BMPR2: variants seen among roughly 807,000 people sequenced by gnomAD.
BMPR2 encodes the protein bone morphogenetic protein receptor type-2.
BMPR2 carries 29 observed loss-of-function variants against 100.8 expected under a neutral mutation model. The observed-to-expected ratio is 0.29, with a 90% confidence interval of 0.21 to 0.39. BMPR2 has a LOEUF of 0.39. Among genes scored for constraint, BMPR2 ranks in the 10% least tolerant of loss-of-function variants. The probability of loss-of-function intolerance (pLI) is 1.00; values close to 1 mark genes in which losing one functional copy is unlikely to be tolerated. For synonymous variants in BMPR2, 382 were observed against 442.3 expected, an observed-to-expected ratio of 0.86 and a Z score of 1.71; for missense variants, 1,011 against 1,274.5, an observed-to-expected ratio of 0.79 and a Z score of 3.15.
chr2:202,397,765 G>T (rs1225544987), intron 1 of BMPR2, among the ~76,000 whole-genome samples: 1 of 151,176 alleles, frequency 6.6e-6, no homozygotes, highest in East Asian at 2.0e-4. Context: ...CTCCCAAAGT[G>T]CTGGGATTAT....
chr2:202,427,840 T>C (rs1159348123), intron 1 of BMPR2, among the ~76,000 whole-genome samples: 1 of 151,814 alleles, frequency 6.6e-6, no homozygotes, highest in African/African-American at 2.4e-5. Context: ...TAGCCAGGCA[T>C]GGTGGCACGC....
chr2:202,560,075 T>G lies in BMPR2; in HGVS notation c.*129T>G. ...CCCTCCCACCCCTGCAACAAAGACTTGCTTTAAATAGATTTCAGCTATGCA... is the reference window on the plus strand; with the variant it reads ...CCCTCCCACCCCTGCAACAAAGACTGGCTTTAAATAGATTTCAGCTATGCA... On this transcript the variant is annotated 3_prime_UTR_variant, in exon 13 of 13. Coordinates refer to ENST00000374580, the MANE Select transcript of BMPR2 (RefSeq NM_001204.7). 8.6e-7 allele frequency: 1 copy of G among 1,160,098 alleles called. No homozygotes were observed. The highest frequency in any genetic ancestry group is 2.5e-5 in the Admixed American group (1 of 39,634). 71.9% of individuals were successfully genotyped at this position (1,160,098 alleles called of 1,614,324 possible). A position where few individuals can be genotyped will look rare whatever the true frequency, so the allele number is the denominator to read the frequency against.
chr2:202,485,821 G>T (rs530880069), intron 3 of BMPR2, among the ~76,000 whole-genome samples: 9 of 151,714 alleles, frequency 5.9e-5, no homozygotes, highest in African/African-American at 2.2e-4. Context: ...CTGAGATTAC[G>T]GGCATGAGCC....
intron 10 of BMPR2, among the ~76,000 whole-genome samples, chr2:202,546,903 G>GTGTTTTGTTTTGTTT (rs112692454): frequency 2.6e-4 from 37 of 141,850 alleles, no homozygotes; most frequent in African/African-American, 8.2e-4. Context: ...TGCCCAGCCG[G>GTGTTTTGTTTTGTTT]TGTTTTGTTT....
intron 3 of BMPR2, among the ~76,000 whole-genome samples, chr2:202,497,037 A>G (rs1454660651): frequency 1.3e-5 from 2 of 152,228 alleles, no homozygotes; most frequent in African/African-American, 2.4e-5. Flanking sequence ...CCAGGCAATG[A>G]GGGGCTTAGC....
chr2:202,559,877 T>A lies in BMPR2; in HGVS notation c.3048T>A (p.Ala1016=). 6.2e-7 allele frequency: 1 copy of A among 1,614,188 alleles called. No individual in the cohort carries two copies. The change falls in exon 13 of 13, where the codon GCT becomes GCA. Residue 1016 remains alanine, a synonymous_variant. Transcript: ENST00000374580. ...NRAVHSKSST[A]VYLAEGGTAT... is the part of the protein sequence containing the mutation. The stretch of plus-strand genomic sequence containing the variant: ...CAGTTCATTCCAAATCCAGCACTGC[T>A]GTTTACCTTGCAGAAGGAGGCACTG...
chr2:202,377,254 G>GA lies in BMPR2; in HGVS notation c.-219dup. Reference sequence around the variant, plus strand: ...CCGCGGCACCCCGTCCGAGGCGAAGGAACCCCCCCAGCCGCGAGGGAGAGA... The same window carrying GA: ...CCGCGGCACCCCGTCCGAGGCGAAGGAAACCCCCCCAGCCGCGAGGGAGAGA... On this transcript the variant is annotated 5_prime_UTR_variant, in exon 1 of 13. The change abolishes the stop of an existing upstream ORF in the 5' untranslated region. Transcript: ENST00000374580. 1 of 622,460 alleles carries GA rather than the reference G, an allele frequency of 1.6e-6. No individual in the cohort carries two copies. The highest frequency in any genetic ancestry group is 1.8e-5 in the South Asian group (1 of 54,256). The allele number at this position is 622,460 out of a possible 1,614,324, so 38.6% of individuals were successfully genotyped here. A position where few individuals can be genotyped will look rare whatever the true frequency, so the allele number is the denominator to read the frequency against.
intron 1 of BMPR2, among the ~76,000 whole-genome samples, chr2:202,460,917 G>A (rs1046093702): frequency 2.6e-5 from 4 of 151,044 alleles, no homozygotes; most frequent in Non-Finnish European, 2.9e-5. Flanking sequence ...GCAGTGGTGC[G>A]ATAGTTCACC....
chr2:202,516,235 G>C (rs543297356), intron 5 of BMPR2, among the ~76,000 whole-genome samples: 1 of 152,238 alleles, frequency 6.6e-6, no homozygotes, highest in South Asian at 2.1e-4. Flanking sequence ...ATAAAAAATT[G>C]TAAGAACTTT....
intron 10 of BMPR2, among the ~76,000 whole-genome samples, chr2:202,543,345 C>A (rs1688316316): frequency 6.7e-6 from 1 of 150,070 alleles, no homozygotes; most frequent in African/African-American, 2.4e-5. Flanking sequence ...ACACTGAAAA[C>A]ATCTTACAAA....
At chr2:202,551,790 C>T (rs1688482546) in intron 10 of BMPR2, among the ~76,000 whole-genome samples, 1 of 151,872 alleles carries the variant, frequency 6.6e-6, no homozygotes, top group Admixed American at 6.6e-5. Context: ...ACCTCTGCCT[C>T]CCGGGTTGAA....
At chr2:202,520,474 A>G (rs1574489207) in intron 7 of BMPR2, 1 of 484,504 alleles carries the variant, frequency 2.1e-6, no homozygotes, top group East Asian at 3.9e-5. Flanking sequence ...CAGCAGAGAA[A>G]GTAGTGGTCA....
At chr2:202,462,229 ATT>A (rs550364869) in intron 1 of BMPR2, among the ~76,000 whole-genome samples, 18 of 135,164 alleles carry the variant, frequency 1.3e-4, no homozygotes, top group South Asian at 2.4e-4. Context: ...AGGAACCACT[ATT>A]TTTTTTTTTT....
chr2:202,446,766 T>C (rs1296809400), intron 1 of BMPR2, among the ~76,000 whole-genome samples: 6 of 149,180 alleles, frequency 4.0e-5, no homozygotes, highest in Admixed American at 2.0e-4. Flanking sequence ...TTCTTCCGCC[T>C]CAGCCTCCTG....
At chr2:202,456,774 T>TA (rs1387355609) in intron 1 of BMPR2, among the ~76,000 whole-genome samples, 2 of 152,064 alleles carry the variant, frequency 1.3e-5, no homozygotes, top group African/African-American at 2.4e-5. Context: ...CTCGGCCTCC[T>TA]AAAGTGCTGG....
intron 3 of BMPR2, among the ~76,000 whole-genome samples, chr2:202,510,658 GT>G (rs548308738): frequency 1.5e-4 from 22 of 151,604 alleles, no homozygotes; most frequent in Non-Finnish European, 2.5e-4. Context: ...CTAAAATGAG[GT>G]TTTTTTTGTT....
chr2:202,482,996 C>A (rs1324242985), intron 3 of BMPR2, among the ~76,000 whole-genome samples: 2 of 152,098 alleles, frequency 1.3e-5, no homozygotes, highest in Non-Finnish European at 2.9e-5. Flanking sequence ...TTTTGAGAAC[C>A]TACAAGGGTT....
intron 7 of BMPR2, among the ~76,000 whole-genome samples, chr2:202,524,759 G>A (rs1038965061): frequency 2.6e-4 from 39 of 152,146 alleles, no homozygotes; most frequent in African/African-American, 9.4e-4. Context: ...AAGGCTAGGT[G>A]CGGTGGCTCA....
At chr2:202,483,237 T>C (rs1287274089) in intron 3 of BMPR2, among the ~76,000 whole-genome samples, 2 of 152,304 alleles carry the variant, frequency 1.3e-5, no homozygotes, top group African/African-American at 4.8e-5. Context: ...TAGGAGTTCT[T>C]TATATATTTT....
Sources: allele counts gnomAD v4.1 joint callset (sites outside exome capture counted in the v4.1 genomes callset), GRCh38; gene constraint gnomAD v4.1.1; transcripts MANE v1.5; gene names NCBI Gene and HGNC (gene_info 2026-07-23, HGNC 2026-07-21).